ATF6B: variants seen among roughly 807,000 people sequenced by gnomAD.
The protein encoded by ATF6B is activating transcription factor 6 beta.
ATF6B carries 50 observed loss-of-function variants against 83.5 expected under a neutral mutation model. The ratio of observed to expected loss-of-function variants is 0.60; its 90% confidence interval spans 0.48 to 0.76. ATF6B has a LOEUF of 0.76. Among genes scored for constraint, ATF6B ranks in the 30% least tolerant of loss-of-function variants. The pLI is 0.00. For synonymous variants in ATF6B, 344 were observed against 362.8 expected (o/e 0.95, Z 0.59); for missense variants, 790 against 893.8 (o/e 0.88, Z 1.48).
chr6:32,121,531 C>G (rs573257599), intron 5 of ATF6B, among the ~76,000 whole-genome samples, 183 bp from the exon 6 acceptor site: 1 of 151,980 alleles, frequency 6.6e-6, no homozygotes, highest in Admixed American at 6.6e-5. Context: ...GGAGAAACCC[C>G]GTCTCTACTA....
rs774515699 is a variant in ATF6B at position 32,127,729 on chromosome 6, A to G, written c.113T>C (p.Leu38Pro). Residue 38 changes from leucine (L) to proline (P), a missense_variant, in exon 2 of 18, where the codon CTA (leucine) becomes CCA (proline). By Grantham distance (98) the Leu-to-Pro change is moderately conservative. Coordinates refer to ENST00000375203, the MANE Select transcript of ATF6B (RefSeq NM_004381.5). ...CGTCTGCTCCTCGGCCACTTCATCT[A>G]GGCCAGAATACAAGGTGCTGTCTGC... Reference protein sequence around the residue: ...GLQNSTLYSGLDEVAEEQTQL... With the variant: ...GLQNSTLYSGPDEVAEEQTQL... 1.9e-6 allele frequency: 3 copies of G among 1,614,048 alleles called. No individual in the cohort carries two copies. The East Asian group carries it at 6.7e-5, about 36-fold the overall frequency.
intron 8 of ATF6B, 145 bp from the exon 9 acceptor site, chr6:32,120,102 T>C: frequency 3.7e-6 from 4 of 1,069,624 alleles, no homozygotes; most frequent in South Asian, 3.6e-5. Flanking sequence ...CCTTTTCTCC[T>C]TTTTTTCTTT....
chr6:32,116,917 T>C lies in ATF6B; in HGVS notation c.1686-102A>G, dbSNP rs1376237922. 2 of 1,522,936 alleles carry C rather than the reference T, an allele frequency of 1.3e-6. No homozygotes were observed. Among genetic ancestry groups the C allele is most frequent in the Non-Finnish European group, 1.8e-6 (2 of 1,100,218 alleles). 94.3% of individuals were successfully genotyped at this position (1,522,936 alleles called of 1,614,324 possible). ...AGAGAAAAAGACAGGAGACCCCCAG[T>C]GGAGGAGGGAGGTATAATCCCACTG... On this transcript the variant is annotated intron_variant, in intron 15 of 17. Coordinates refer to ENST00000375203, the MANE Select transcript of ATF6B (RefSeq NM_004381.5). The surrounding 1 kb of genome is among the most constrained non-coding windows in gnomAD (Gnocchi z 5.1).
intron 17 of ATF6B, 23 bp from the exon 18 acceptor site, chr6:32,115,991 G>C (rs1283622249): frequency 1.3e-6 from 2 of 1,592,328 alleles, no homozygotes; most frequent in Non-Finnish European, 1.7e-6. Context: ...GAGAGTTAAG[G>C]AAGAGGAGAT....
At position 32,117,741 on chromosome 6, in the gene ATF6B, T is replaced by A; in HGVS notation, c.1425-47A>T. 4 of 1,598,572 alleles carry A rather than the reference T, an allele frequency of 2.5e-6. No homozygotes were observed. Among genetic ancestry groups the A allele is most frequent in the Non-Finnish European group, 2.6e-6 (3 of 1,171,254 alleles). ...ACAACACTTGGAGACTGCCCAGCACTCCCACAACAAAGAAGGCGATGACGG... is the reference window on the plus strand; with the variant it reads ...ACAACACTTGGAGACTGCCCAGCACACCCACAACAAAGAAGGCGATGACGG... On this transcript the variant is annotated intron_variant, in intron 12 of 17. Transcript: ENST00000375203. The surrounding 1 kb of genome is among the most constrained non-coding windows in gnomAD (Gnocchi z 5.0).
Position 32,127,161 on chromosome 6 carries a change from C to G in ATF6B, c.284G>C (p.Cys95Ser). 1 of 1,611,788 alleles carries G rather than the reference C, an allele frequency of 6.2e-7. No individual in the cohort carries two copies. Residue 95 changes from cysteine (C) to serine (S), a missense_variant, in exon 4 of 18, where the codon TGC becomes TCC. Cys to Ser is a moderately radical substitution (Grantham distance 112, BLOSUM62 -1). Around this residue, in one of 3 missense-constraint regions of ATF6B, gnomAD observed 253 missense variants for 243.1 expected, o/e 1.04. Transcript: ENST00000375203. ...CTCGGAGCTGAGGGAGGAGGAAGAG[C>G]AGGGGGAAGATGGCTCAGACTTCAC... ...LQVKSEPSSP[C>S]SSSSLSSESS...
chr6:32,117,709 G>A lies in ATF6B; in HGVS notation c.1425-15C>T, dbSNP rs1781586950. On this transcript the variant is annotated splice_polypyrimidine_tract_variant and intron_variant, in intron 12 of 17. Coordinates refer to ENST00000375203, the MANE Select transcript of ATF6B (RefSeq NM_004381.5). This position sits in a 1 kb window ranked among gnomAD's most constrained non-coding sequence, Gnocchi z 5.0. The stretch of plus-strand genomic sequence containing the variant: ...CTGTCAGGTTGCTGGAGTGAAGCAG[G>A]AAGGAGACAACACTTGGAGACTGCC... The A allele has an allele frequency of 6.2e-7, 1 of 1,611,908 alleles. No individual in the cohort carries two copies. Among genetic ancestry groups the A allele is most frequent in the African/African-American group, 1.3e-5 (1 of 74,890 alleles).
intron 4 of ATF6B, 111 bp downstream of exon 4, chr6:32,126,992 C>T: frequency 9.9e-7 from 1 of 1,009,186 alleles, no homozygotes; most frequent in Non-Finnish European, 1.4e-6. Context: ...CCTCACACAC[C>T]TCATGACTCA....
In ATF6B at chr6:32,118,063, C is replaced by T; in HGVS notation, c.1245-25G>A. The stretch of plus-strand genomic sequence containing the variant: ...GCTGTGGATAAAGAAGGACTGAGCA[C>T]AATGAAGAATTTCAGCTGTATCAAG... On this transcript the variant is annotated intron_variant, in intron 11 of 17. Transcript: ENST00000375203. The surrounding 1 kb of genome is among the most constrained non-coding windows in gnomAD (Gnocchi z 5.2). The T allele has an allele frequency of 6.2e-7, 1 of 1,613,826 alleles. No homozygotes were observed. Among genetic ancestry groups the T allele is most frequent in the Non-Finnish European group, 8.5e-7 (1 of 1,179,840 alleles).
rs1157598521 is a variant in ATF6B at position 32,125,157 on chromosome 6, A to C, written c.478+960T>G. Among the ~76,000 whole-genome samples the C allele has an allele frequency of 6.6e-6, 1 of 152,126 alleles. No homozygotes were observed. The highest frequency in any genetic ancestry group is 1.5e-5 in the Non-Finnish European group (1 of 68,018). ...CTCTAGTGATTTCTATCCTAGAATGACCACACCTGTATTGACTGGTACTTG... is the reference window on the plus strand; with the variant it reads ...CTCTAGTGATTTCTATCCTAGAATGCCCACACCTGTATTGACTGGTACTTG... On this transcript the variant is annotated intron_variant, in intron 5 of 17. Coordinates refer to ENST00000375203, the MANE Select transcript of ATF6B (RefSeq NM_004381.5). This position sits in a 1 kb window ranked among gnomAD's most constrained non-coding sequence, Gnocchi z 4.1.
Position 32,115,366 on chromosome 6 carries a change from A to G in ATF6B, c.*373T>C, listed in dbSNP as rs1781474056. On this transcript the variant is annotated 3_prime_UTR_variant, in exon 18 of 18. Coordinates refer to ENST00000375203, the MANE Select transcript of ATF6B (RefSeq NM_004381.5). ...CACCCCACCCTCCCTTACTCCCAGT[A>G]ACTAGCTCCAAAATGAAAAAACTTC... is the stretch of plus-strand genomic sequence containing the variant. 8.0e-6 allele frequency: 1 copy of G among 125,084 alleles called. No homozygotes were observed. Among genetic ancestry groups the G allele is most frequent in the African/African-American group, 3.0e-5 (1 of 32,850 alleles). 7.7% of individuals were successfully genotyped at this position (125,084 alleles called of 1,614,324 possible).
At position 32,116,865 on chromosome 6, in the gene ATF6B, G is replaced by A; in HGVS notation, c.1686-50C>T. 6.3e-7 allele frequency: 1 copy of A among 1,592,196 alleles called. No individual in the cohort carries two copies. The highest frequency in any genetic ancestry group is 8.6e-7 in the Non-Finnish European group (1 of 1,160,460). Reference sequence around the variant, plus strand: ...TGAGGGGAACTAAGCCCAATGCTCAGTTTCTACCAGGGAAGCGGGTAGGAT... The same window carrying A: ...TGAGGGGAACTAAGCCCAATGCTCAATTTCTACCAGGGAAGCGGGTAGGAT... On this transcript the variant is annotated intron_variant, in intron 15 of 17. Coordinates refer to ENST00000375203, the MANE Select transcript of ATF6B (RefSeq NM_004381.5). The surrounding 1 kb of genome is among the most constrained non-coding windows in gnomAD (Gnocchi z 5.1).
intron 5 of ATF6B, among the ~76,000 whole-genome samples, chr6:32,123,227 CAAAAAAAAAAAAAAA>C (rs9279489): frequency 1.7e-5 from 1 of 58,932 alleles, no homozygotes. Context: ...AACTCTGTCT[CAAAAAAAAAAAAAAA>C]AAAAAAAAAA....
chr6:32,126,371 T>C, intron 4 of ATF6B, 119 bp from the exon 5 acceptor site: 1 of 1,263,014 alleles, frequency 7.9e-7, no homozygotes, highest in East Asian at 2.5e-5. Flanking sequence ...CCATCAATTA[T>C]TTGACATTCT....
At position 32,119,150 on chromosome 6, in the gene ATF6B, C is replaced by T. The variant is rs776406737; in HGVS notation, c.967-9G>A. ...CGCTTCAGCAGCTTTGCCTAGGCAC[C>T]CGGAAGGTCAAAAAAGAATGACAGA... On this transcript the variant is annotated splice_polypyrimidine_tract_variant and intron_variant, in intron 9 of 17. Coordinates refer to ENST00000375203, the MANE Select transcript of ATF6B (RefSeq NM_004381.5). The surrounding 1 kb of genome is among the most constrained non-coding windows in gnomAD (Gnocchi z 4.9). 1.2e-6 allele frequency: 2 copies of T among 1,602,360 alleles called. No individual in the cohort carries two copies. Among genetic ancestry groups the T allele is most frequent in the Non-Finnish European group, 1.7e-6 (2 of 1,176,686 alleles).
At position 32,126,114 on chromosome 6, in the gene ATF6B, TACCTG is replaced by T; in HGVS notation, c.476_478+2del. The stretch of plus-strand genomic sequence containing the variant: ...AAGGATTGGGGGCAGGCTGTTTTAT[TACCTG>T]AGGAATCATCAGAGGTGGGGATAAC... On this transcript the variant is annotated splice_donor_variant and coding_sequence_variant, in exon 5 of 18. Coordinates refer to ENST00000375203, the MANE Select transcript of ATF6B (RefSeq NM_004381.5). LOFTEE classifies it high-confidence loss of function. 1 of 1,614,084 alleles carries T rather than the reference TACCTG, an allele frequency of 6.2e-7. No individual in the cohort carries two copies. The highest frequency in any genetic ancestry group is 8.5e-7 in the Non-Finnish European group (1 of 1,180,000).
chr6:32,121,384 A>G (rs750182777), intron 5 of ATF6B, 36 bp from the exon 6 acceptor site: 1 of 1,579,248 alleles, frequency 6.3e-7, no homozygotes, highest in Non-Finnish European at 8.7e-7. Flanking sequence ...GCTGGATATC[A>G]TGTAAACACT....
chr6:32,117,614 C>A lies in ATF6B; in HGVS notation c.1505G>T (p.Arg502Leu), dbSNP rs945414977. The A allele has an allele frequency of 6.2e-7, 1 of 1,614,146 alleles. No individual in the cohort carries two copies. The change falls in exon 13 of 18, where the codon CGG becomes CTG. Residue 502 changes from arginine (R) to leucine (L), a missense_variant. Around this residue, in one of 3 missense-constraint regions of ATF6B, gnomAD observed 530 missense variants for 632.6 expected, o/e 0.84. Transcript: ENST00000375203. The surrounding 1 kb of genome is among the most constrained non-coding windows in gnomAD (Gnocchi z 5.0). ...CAGGGACTCAGTGCGGTTGAAGTGC[C>A]GGCAATCAGAGGAGAGGAAGAGCTG... ...LDQLFLSSDC[R>L]HFNRTESLRL...
In ATF6B at chr6:32,127,453, G is replaced by C. The variant is rs372088619; in HGVS notation, c.239C>G (p.Pro80Arg). 2 of 1,612,010 alleles carry C rather than the reference G, an allele frequency of 1.2e-6. No homozygotes were observed. Among genetic ancestry groups the C allele is most frequent in the Non-Finnish European group, 1.7e-6 (2 of 1,178,782 alleles). ...SPSEPPWELLPIFPDLQVKSE... is the reference protein window; with the variant it reads ...SPSEPPWELLRIFPDLQVKSE... ...AAAGACTACCTTACCTGGGAAGATC[G>C]GCAGGAGTTCCCATGGGGGCTCAGA... The change falls in exon 3 of 18, where the codon CCG becomes CGG. Residue 80 changes from proline to arginine, a missense_variant. By Grantham distance (103) the Pro-to-Arg change is moderately radical (BLOSUM62 -2). Around this residue, in one of 3 missense-constraint regions of ATF6B, gnomAD observed 253 missense variants for 243.1 expected, o/e 1.04. Coordinates refer to ENST00000375203, the MANE Select transcript of ATF6B (RefSeq NM_004381.5).
Sources: gnomAD v4.1 joint callset for allele counts (sites outside exome capture counted in the v4.1 genomes callset) on GRCh38, gnomAD v4.1.1 for gene constraint, gnomAD v4.1.1 regional missense constraint, Gnocchi (gnomAD v3.1) non-coding constraint, MANE v1.5 for transcripts, NCBI Gene and HGNC (gene_info 2026-07-23, HGNC 2026-07-21) for gene names.